The following MACROD1 variants were observed in gnomAD, a reference collection of about 807,000 sequenced individuals.
MACROD1 encodes ADP-ribose glycohydrolase MACROD1.
A neutral mutation model predicts 41.4 loss-of-function variants in MACROD1; 31 were observed. The ratio of observed to expected loss-of-function variants is 0.75; its 90% CI spans 0.56 to 1.01. The LOEUF (loss-of-function observed/expected upper bound fraction) is 1.01, where lower values mean the gene tolerates loss of function less well. MACROD1 is among the 50% of genes least tolerant of loss of function. MACROD1 has a pLI of 0.00. For missense variants in MACROD1, 473 were observed against 460.0 expected, an observed-to-expected ratio of 1.03 and a Z score of -0.26; for synonymous variants, 252 against 203.4, an observed-to-expected ratio of 1.24 and a Z score of -2.03.
chr11:64,144,611 G>A (rs1232340465), intron 3 of MACROD1, among the ~76,000 whole-genome samples: 1 of 151,944 alleles, frequency 6.6e-6, no homozygotes, highest in Non-Finnish European at 1.5e-5. Context: ...GCTTCCCCGA[G>A]GAGGAGGGAG....
chr11:64,131,074 T>C (rs1393182151), intron 3 of MACROD1, among the ~76,000 whole-genome samples: 1 of 152,240 alleles, frequency 6.6e-6, no homozygotes, highest in African/African-American at 2.4e-5. Flanking sequence ...GGCAGGTTTT[T>C]ATCATTTTTA....
At chr11:64,156,686 C>A (rs1356853376) in intron 1 of MACROD1, among the ~76,000 whole-genome samples, 2 of 152,196 alleles carry the variant, frequency 1.3e-5, no homozygotes, top group Admixed American at 6.5e-5. Flanking sequence ...TCTGAGTGAT[C>A]CACAGCCCAC....
intron 3 of MACROD1, among the ~76,000 whole-genome samples, chr11:64,020,106 A>G (rs1383384092): frequency 6.6e-6 from 1 of 152,206 alleles, no homozygotes; most frequent in Non-Finnish European, 1.5e-5. Context: ...GTCAAAGACA[A>G]TGTTATCAGA....
intron 3 of MACROD1, among the ~76,000 whole-genome samples, chr11:64,030,111 G>A (rs893548910): frequency 1.3e-5 from 2 of 151,786 alleles, no homozygotes; most frequent in African/African-American, 2.4e-5. Flanking sequence ...CCTCTCTGGC[G>A]TCTGTCTCCC....
chr11:64,033,563 G>A (rs540777517), intron 3 of MACROD1, among the ~76,000 whole-genome samples: 59 of 151,824 alleles, frequency 3.9e-4, no homozygotes, highest in African/African-American at 1.4e-3. Flanking sequence ...ATTTTTTGCC[G>A]GGTGTGGTGG....
intron 3 of MACROD1, among the ~76,000 whole-genome samples, chr11:64,114,021 T>C (rs1944918745): frequency 6.7e-6 from 1 of 149,976 alleles, no homozygotes; most frequent in African/African-American, 2.5e-5. Flanking sequence ...CATGGATGGA[T>C]GGATGGATGG....
intron 3 of MACROD1, among the ~76,000 whole-genome samples, chr11:64,127,267 T>C (rs1380149463): frequency 6.6e-6 from 1 of 152,254 alleles, no homozygotes; most frequent in Non-Finnish European, 1.5e-5. Context: ...TTTCTTGAAA[T>C]AAATAGAAAG....
intron 4 of MACROD1, among the ~76,000 whole-genome samples, chr11:64,006,852 CG>C (rs1172071362): frequency 2.0e-5 from 3 of 152,154 alleles, no homozygotes; most frequent in Admixed American, 2.0e-4. Context: ...TCCCATAGGG[CG>C]GGGTGAGGGT....
rs1191882323 is a variant in MACROD1, at chr11:64,069,731, GC to G, written c.518-54451del. ...GGGGCTGGTGACACCCCCGGGCCCGGCCCCGGCAGCTGTGTCACCTAAATGC... is the reference window on the plus strand; with the variant it reads ...GGGGCTGGTGACACCCCCGGGCCCGGCCCGGCAGCTGTGTCACCTAAATGC... On this transcript the variant is annotated intron_variant, in intron 3 of 10. Coordinates refer to ENST00000255681, the MANE Select transcript of MACROD1 (RefSeq NM_014067.4). Among the ~76,000 whole-genome samples the G allele has an allele frequency of 1.9e-4, 29 of 152,304 alleles. 1 individual carries two copies. In the East Asian group the frequency reaches 5.6e-3, roughly 29 times the overall value.
At position 64,118,193 on chromosome 11, in the gene MACROD1, C is replaced by T. The variant is rs372484626; in HGVS notation, c.517+33046G>A. The T allele has an allele frequency of 1.4e-4, 230 of 1,613,092 alleles. No homozygotes were observed. Among genetic ancestry groups the T allele is most frequent in the Non-Finnish European group, 1.7e-4 (201 of 1,179,910 alleles). On this transcript the variant is annotated intron_variant, in intron 3 of 10. Transcript: ENST00000255681. Reference sequence around the variant, plus strand: ...TGGTCCACACTATCTTCCCCTCCAACGGCAGCAGCCTCTGCAAGGCCACAC... The same window carrying T: ...TGGTCCACACTATCTTCCCCTCCAATGGCAGCAGCCTCTGCAAGGCCACAC...
In MACROD1 at chr11:64,120,642, G is replaced by A. The variant is rs1266769089; in HGVS notation, c.517+30597C>T. Among the ~76,000 whole-genome samples, 2 of 151,920 alleles carry A rather than the reference G, an allele frequency of 1.3e-5. No homozygotes were observed. The highest frequency in any genetic ancestry group is 2.4e-5 in the African/African-American group (1 of 41,356). On this transcript the variant is annotated intron_variant, in intron 3 of 10. Coordinates refer to ENST00000255681, the MANE Select transcript of MACROD1 (RefSeq NM_014067.4). This position sits in a 1 kb window ranked among gnomAD's most constrained non-coding sequence, Gnocchi z 4.5. ...AGAGGCTGCAGTGAACCGAGATTGC[G>A]CCACTGCATTCCAGCCTGGGCAAAG... is the stretch of plus-strand genomic sequence containing the variant.
At chr11:64,019,844 A>C (rs1943130558) in intron 3 of MACROD1, among the ~76,000 whole-genome samples, 2 of 151,776 alleles carry the variant, frequency 1.3e-5, no homozygotes, top group African/African-American at 4.8e-5. Context: ...TTCTCGGAGG[A>C]GGTGGCATTT....
At chr11:64,141,562 C>A (rs1419720174) in intron 3 of MACROD1, among the ~76,000 whole-genome samples, 1 of 152,210 alleles carries the variant, frequency 6.6e-6, no homozygotes, top group Non-Finnish European at 1.5e-5. Context: ...TCCAGGAGAG[C>A]GAGCCAAGGG....
intron 3 of MACROD1, among the ~76,000 whole-genome samples, chr11:64,025,353 C>G (rs1172890908): frequency 1.3e-5 from 2 of 152,202 alleles, no homozygotes; most frequent in Non-Finnish European, 2.9e-5. Context: ...CCCCCTGACT[C>G]CCAGATCCCC....
At chr11:64,156,662 G>C (rs1945673524) in intron 1 of MACROD1, among the ~76,000 whole-genome samples, 1 of 152,170 alleles carries the variant, frequency 6.6e-6, no homozygotes, top group African/African-American at 2.4e-5. Flanking sequence ...CCCTCCCTAA[G>C]CATGGTAGCC....
At chr11:64,152,573 C>T (rs1033075892) in intron 1 of MACROD1, among the ~76,000 whole-genome samples, 180 bp from the exon 2 acceptor site, 5 of 152,204 alleles carry the variant, frequency 3.3e-5, no homozygotes, top group Admixed American at 3.3e-4. Flanking sequence ...ATATCTTGTC[C>T]TGCTCTCTTT....
At chr11:64,022,589 C>A (rs768840944) in intron 3 of MACROD1, among the ~76,000 whole-genome samples, 1 of 151,892 alleles carries the variant, frequency 6.6e-6, no homozygotes, top group East Asian at 1.9e-4. Flanking sequence ...AGATTAGAAA[C>A]ACCCCGCAGA....
At chr11:64,003,766 G>A (rs941760443) in intron 4 of MACROD1, among the ~76,000 whole-genome samples, 4 of 152,184 alleles carry the variant, frequency 2.6e-5, no homozygotes, top group African/African-American at 9.7e-5. Context: ...AAAGGGCCTC[G>A]CCCTGAACCA....
At chr11:64,060,038 A>G (rs1235204559) in intron 3 of MACROD1, among the ~76,000 whole-genome samples, 1 of 152,148 alleles carries the variant, frequency 6.6e-6, no homozygotes, top group Non-Finnish European at 1.5e-5. Flanking sequence ...GGCAGGGGGG[A>G]ATGGCGAACA....
Sources: gnomAD v4.1 joint callset for allele counts (sites outside exome capture counted in the v4.1 genomes callset) on GRCh38, gnomAD v4.1.1 for gene constraint, Gnocchi (gnomAD v3.1) non-coding constraint, MANE v1.5 for transcripts, NCBI Gene and HGNC (gene_info 2026-07-23, HGNC 2026-07-21) for gene names.